DDIAS: variants seen among roughly 807,000 people sequenced by gnomAD.
DDIAS encodes DNA damage-induced apoptosis suppressor protein.
DDIAS carries 14 observed loss-of-function variants against 15.7 expected under a neutral mutation model. The observed-to-expected ratio is 0.89, with a 90% confidence interval of 0.59 to 1.39. The LOEUF is 1.39. DDIAS is among the 40% of genes most tolerant of loss of function. The pLI, the probability that DDIAS is intolerant of heterozygous loss-of-function variation, is 0.00. For synonymous variants in DDIAS, 355 were observed against 395.9 expected (o/e 0.90, Z 1.23); for missense variants, 1,035 against 1,130.9 (o/e 0.92, Z 1.22).
At chr11:82,921,835 T>G (rs1000311161) in intron 3 of DDIAS, among the ~76,000 whole-genome samples, 3 of 152,150 alleles carry the variant, frequency 2.0e-5, no homozygotes, top group African/African-American at 7.2e-5. Flanking sequence ...CGCCTCAGCC[T>G]CCCAAAGGGC....
chr11:82,918,116 AT>A (rs1211580704), intron 3 of DDIAS, among the ~76,000 whole-genome samples: 1 of 152,200 alleles, frequency 6.6e-6, no homozygotes, highest in East Asian at 1.9e-4. Context: ...TTCTTTGGCC[AT>A]GCAAAAGCTC....
Position 82,933,483 on chromosome 11 carries a change from G to A in DDIAS, c.2145G>A (p.Glu715=). ...GTSLAESHPS[E]SDFSLRSLSE... ...CTTTGGCAGAAAGTCACCCTTCAGAGTCTGATTTTTCACTGAGATCACTTT... is the reference window on the plus strand; with the variant it reads ...CTTTGGCAGAAAGTCACCCTTCAGAATCTGATTTTTCACTGAGATCACTTT... The change falls in exon 6 of 6, where the codon GAG becomes GAA. Residue 715 remains glutamate (E), a synonymous_variant. Coordinates refer to ENST00000533655, the MANE Select transcript of DDIAS (RefSeq NM_145018.4). 1 of 1,613,916 alleles carries A rather than the reference G, an allele frequency of 6.2e-7. No individual in the cohort carries two copies. The highest frequency in any genetic ancestry group is 8.5e-7 in the Non-Finnish European group (1 of 1,179,984).
At chr11:82,906,842 A>G (rs1168621962) in intron 1 of DDIAS, among the ~76,000 whole-genome samples, 1 of 152,198 alleles carries the variant, frequency 6.6e-6, no homozygotes, top group African/African-American at 2.4e-5. Flanking sequence ...ATGATTTGGT[A>G]AAATTGTGTT....
At chr11:82,929,040 C>T (rs983927943) in intron 4 of DDIAS, 102 bp downstream of exon 4, 13 of 1,296,538 alleles carry the variant, frequency 1.0e-5, no homozygotes, top group African/African-American at 7.6e-5. Flanking sequence ...ATCATTCAAC[C>T]CCAGATTGTC....
chr11:82,933,676 T>G lies in DDIAS; in HGVS notation c.2338T>G (p.Phe780Val). The change falls in exon 6 of 6, where the codon TTC becomes GTC. Residue 780 changes from phenylalanine to valine, a missense_variant. By Grantham distance (50) the Phe-to-Val change is conservative. Transcript: ENST00000533655. ...PCSQSTPISG[F>V]HQTRIHGINR... ...TTCACAGTCAACTCCAATTTCAGGG[T>G]TCCACCAAACAAGAATTCATGGGAT... is the stretch of plus-strand genomic sequence containing the variant. 1 of 1,614,088 alleles carries G rather than the reference T, an allele frequency of 6.2e-7. No individual in the cohort carries two copies. The highest frequency in any genetic ancestry group is 1.1e-5 in the South Asian group (1 of 91,070).
chr11:82,906,525 T>C (rs1860435556), intron 1 of DDIAS, among the ~76,000 whole-genome samples: 2 of 152,162 alleles, frequency 1.3e-5, no homozygotes, highest in Non-Finnish European at 2.9e-5. Flanking sequence ...CAATTTTTTT[T>C]AGGACAGACA....
chr11:82,930,188 A>G lies in DDIAS; in HGVS notation c.307A>G (p.Thr103Ala), dbSNP rs759391972. The change falls in exon 5 of 6, where the codon ACA (threonine) becomes GCA (alanine). Residue 103 changes from threonine to alanine, a missense_variant. Thr to Ala is a moderately conservative substitution (Grantham distance 58). Transcript: ENST00000533655. ...TCAGGATCCTAATAAAATTCCAGAA[A>G]CACTGGACAATGATACAACTCAGAA... ...YIQDPNKIPE[T>A]LDNDTTQNLL... is the part of the protein sequence containing the mutation. The G allele has an allele frequency of 5.0e-6, 8 of 1,598,360 alleles. No homozygotes were observed. Among genetic ancestry groups the G allele is most frequent in the Admixed American group, 1.7e-5 (1 of 57,658 alleles).
At chr11:82,918,792 G>A (rs577393153) in intron 3 of DDIAS, among the ~76,000 whole-genome samples, 1 of 151,856 alleles carries the variant, frequency 6.6e-6, no homozygotes, top group Non-Finnish European at 1.5e-5. Flanking sequence ...TGCCTCCTTG[G>A]TTAGGTATCT....
rs61902276 is a variant in DDIAS, at chr11:82,914,772, G to A, written c.34G>A (p.Val12Ile). The change falls in exon 3 of 6, where the codon GTA becomes ATA. Residue 12 changes from valine (V) to isoleucine (I), a missense_variant. By Grantham distance (29) the Val-to-Ile change is conservative (BLOSUM62 3). Coordinates refer to ENST00000533655, the MANE Select transcript of DDIAS (RefSeq NM_145018.4). The stretch of plus-strand genomic sequence containing the variant: ...AAGACGAAAATTTCTTCTAGCCTCA[G>A]TACTTGCTCTCCAGAATTCAAGTTT... ...NRRRKFLLAS[V>I]LALQNSSFIY... is the part of the protein sequence containing the mutation. The A allele has an allele frequency of 0.028, 44,357 of 1,609,994 alleles. 929 individuals carry two copies. Among genetic ancestry groups the A allele is most frequent in the South Asian group, 0.076 (6,917 of 90,880 alleles).
In DDIAS at chr11:82,932,259, A is replaced by T; in HGVS notation, c.921A>T (p.Thr307=). The T allele has an allele frequency of 1.2e-6, 2 of 1,613,828 alleles. No individual in the cohort carries two copies. The highest frequency in any genetic ancestry group is 2.2e-5 in the South Asian group (2 of 91,060). ...SLVSYMDKKS[T]AEKLGKELGL... is the part of the protein sequence containing the mutation. ...TTTCATATATGGATAAAAAGAGTAC[A>T]GCAGAAAAGTTGGGTAAAGAACTTG... The change falls in exon 6 of 6, where the codon ACA becomes ACT. Residue 307 remains threonine, a synonymous_variant. Transcript: ENST00000533655.
intron 1 of DDIAS, among the ~76,000 whole-genome samples, chr11:82,905,613 A>G (rs1860412810): frequency 1.3e-5 from 2 of 152,192 alleles, no homozygotes; most frequent in South Asian, 2.1e-4. Context: ...ATATTTTCTC[A>G]TGGCACTATG....
rs892711112 is a variant in DDIAS at position 82,931,911 on chromosome 11, G to C, written c.573G>C (p.Arg191Ser). 1 of 1,614,096 alleles carries C rather than the reference G, an allele frequency of 6.2e-7. No homozygotes were observed. The change falls in exon 6 of 6, where the codon AGG becomes AGC. Residue 191 changes from arginine (R) to serine (S), a missense_variant. Transcript: ENST00000533655. The stretch of plus-strand genomic sequence containing the variant: ...AACTTTTGCAGACTTTTAATTTCAG[G>C]AAACTTCAGTGTGACTCTCAGGCAC... ...FHQLLQTFNF[R>S]KLQCDSQAPN... is the part of the protein sequence containing the mutation.
chr11:82,909,367 T>G (rs1299190287), intron 1 of DDIAS: 1 of 152,190 alleles, frequency 6.6e-6, no homozygotes, highest in Non-Finnish European at 1.5e-5. Flanking sequence ...GCAACCTGTT[T>G]TATCAGCGAG....
intron 3 of DDIAS, among the ~76,000 whole-genome samples, chr11:82,923,506 A>G (rs1274028500): frequency 6.6e-6 from 1 of 152,240 alleles, no homozygotes; most frequent in African/African-American, 2.4e-5. Context: ...TTTAGTGACT[A>G]TAATCATAAT....
At chr11:82,926,040 C>G (rs2121354436) in intron 3 of DDIAS, among the ~76,000 whole-genome samples, 1 of 150,566 alleles carries the variant, frequency 6.6e-6, no homozygotes, top group South Asian at 2.1e-4. Flanking sequence ...AGACGTATTT[C>G]AAATCACCAT....
Position 82,933,849 on chromosome 11 carries a change from T to TG in DDIAS, c.2511_2512insG (p.Ile838AspfsTer18). 6.2e-7 allele frequency: 1 copy of TG among 1,614,092 alleles called. No homozygotes were observed. The highest frequency in any genetic ancestry group is 1.7e-5 in the Admixed American group (1 of 59,998). On this transcript the variant is annotated frameshift_variant, in exon 6 of 6. Transcript: ENST00000533655. LOFTEE classifies it low-confidence loss of function (END_TRUNC). ...CACCTAGCCAGAAAATCAGAAGCCC[T>TG]ATTGTATCTGGTGTTTCACAACCAG...
intron 5 of DDIAS, among the ~76,000 whole-genome samples, chr11:82,930,981 CCT>C (rs1262906193): frequency 6.6e-6 from 1 of 152,074 alleles, no homozygotes; most frequent in Non-Finnish European, 1.5e-5. Context: ...TTCCTCCTCC[CCT>C]TTTTCCCCTC....
chr11:82,929,567 G>T (rs1321818829), intron 4 of DDIAS, among the ~76,000 whole-genome samples: 1 of 152,076 alleles, frequency 6.6e-6, no homozygotes, highest in Non-Finnish European at 1.5e-5. Flanking sequence ...GCTGGGCATG[G>T]TGGTGGGCGC....
rs1334628409 is a variant in DDIAS, at chr11:82,930,193, G to A, written c.312G>A (p.Leu104=). 2 of 1,600,180 alleles carry A rather than the reference G, an allele frequency of 1.2e-6. No homozygotes were observed. The highest frequency in any genetic ancestry group is 2.7e-5 in the African/African-American group (2 of 74,316). Residue 104 remains leucine, a synonymous_variant, in exon 5 of 6, where the codon CTG becomes CTA. Coordinates refer to ENST00000533655, the MANE Select transcript of DDIAS (RefSeq NM_145018.4). The part of the protein sequence containing the change: ...IQDPNKIPET[L]DNDTTQNLLT... ...ATCCTAATAAAATTCCAGAAACACT[G>A]GACAATGATACAACTCAGAATCTAT...
Sources: allele counts gnomAD v4.1 joint callset (sites outside exome capture counted in the v4.1 genomes callset), GRCh38; gene constraint gnomAD v4.1.1; transcripts MANE v1.5; gene names NCBI Gene and HGNC (gene_info 2026-07-23, HGNC 2026-07-21).